Variants in BABAM2 observed in about 807,000 individuals in gnomAD.
BABAM2 encodes the protein BRISC and BRCA1-A complex member 2.
Under a neutral mutation model 54.7 loss-of-function variants are expected in BABAM2, and 31 were observed. The ratio of observed to expected loss-of-function variants is 0.57; its 90% CI spans 0.43 to 0.77. The LOEUF is 0.77. Ranked by LOEUF, BABAM2 falls within the 30% of genes least tolerant of loss-of-function variation. The probability of loss-of-function intolerance (pLI) is 0.00; values close to 1 mark genes in which losing one functional copy is unlikely to be tolerated. For missense variants in BABAM2, 364 were observed against 455.8 expected, an observed-to-expected ratio of 0.80 and a Z score of 1.83; for synonymous variants, 167 against 162.9, an observed-to-expected ratio of 1.03 and a Z score of -0.19.
intron 6 of BABAM2, among the ~76,000 whole-genome samples, chr2:28,078,710 A>G (rs145683943): frequency 6.6e-6 from 1 of 152,280 alleles, no homozygotes; most frequent in East Asian, 1.9e-4. Context: ...CAAGATTTCT[A>G]TAATAATTTG....
At chr2:28,224,918 T>C (rs1437166505) in intron 7 of BABAM2, among the ~76,000 whole-genome samples, 1 of 151,646 alleles carries the variant, frequency 6.6e-6, no homozygotes, top group African/African-American at 2.4e-5. Context: ...GTTGCATTCC[T>C]TTATTTGATG....
intron 4 of BABAM2, among the ~76,000 whole-genome samples, chr2:28,019,112 G>T (rs909636102): frequency 6.6e-6 from 1 of 151,892 alleles, no homozygotes; most frequent in East Asian, 1.9e-4. Context: ...TTGATTTTCT[G>T]TTCCTCTGTT....
intron 9 of BABAM2, among the ~76,000 whole-genome samples, chr2:28,241,864 CT>C (rs35913780): frequency 0.71 from 77,797 of 110,230 alleles, 26,995 homozygotes; most frequent in East Asian, 0.96. Flanking sequence ...CCCAGGATCC[CT>C]TTTTTTTTTT....
intron 10 of BABAM2, among the ~76,000 whole-genome samples, chr2:28,253,598 T>A (rs1264946081): frequency 6.6e-6 from 1 of 152,184 alleles, no homozygotes; most frequent in Non-Finnish European, 1.5e-5. Context: ...AGACTCTAGA[T>A]CCCATGTGCT....
chr2:27,957,083 G>C (rs1670144136), intron 3 of BABAM2, among the ~76,000 whole-genome samples: 1 of 152,172 alleles, frequency 6.6e-6, no homozygotes, highest in Non-Finnish European at 1.5e-5. Flanking sequence ...GGTCATCCCA[G>C]TGTAGAGCAA....
intron 6 of BABAM2, among the ~76,000 whole-genome samples, chr2:28,058,713 T>C (rs930083548): frequency 2.0e-5 from 3 of 152,132 alleles, no homozygotes; most frequent in Admixed American, 1.3e-4. Flanking sequence ...TGGTTCTTGA[T>C]GAAACAAACA....
intron 10 of BABAM2, among the ~76,000 whole-genome samples, chr2:28,282,997 CAAAAAA>C (rs370484850): frequency 1.4e-5 from 1 of 71,940 alleles, no homozygotes. Context: ...GACTCCGTCC[CAAAAAA>C]AAAAAAAAAA....
chr2:28,307,975 T>A (rs1688709847), intron 11 of BABAM2: 1 of 154,392 alleles, frequency 6.5e-6, no homozygotes, highest in East Asian at 1.9e-4. Context: ...TCATTCACAG[T>A]GGCCCCTCAC....
At chr2:27,981,070 AT>A (rs1671961098) in intron 3 of BABAM2, among the ~76,000 whole-genome samples, 1 of 152,240 alleles carries the variant, frequency 6.6e-6, no homozygotes, top group African/African-American at 2.4e-5. Context: ...TGTCTTTAAC[AT>A]TATCCAGTCG....
At chr2:28,257,127 T>G (rs1278585479) in intron 10 of BABAM2, among the ~76,000 whole-genome samples, 1 of 152,178 alleles carries the variant, frequency 6.6e-6, no homozygotes, top group African/African-American at 2.4e-5. Context: ...ACTTTTCCAT[T>G]TGCATATTGT....
Position 27,987,989 on chromosome 2 carries a change from T to A in BABAM2, c.206-4T>A. 1 of 1,605,568 alleles carries A rather than the reference T, an allele frequency of 6.2e-7. No individual in the cohort carries two copies. Among genetic ancestry groups the A allele is most frequent in the Non-Finnish European group, 8.5e-7 (1 of 1,172,326 alleles). ...AAAGGACCTGTCATTTTCTTTTATT[T>A]CAGGGGATATCATTTTCAATGCCCA... On this transcript the variant is annotated splice_polypyrimidine_tract_variant and splice_region_variant and intron_variant, in intron 3 of 11. Coordinates refer to ENST00000379624, the MANE Select transcript of BABAM2 (RefSeq NM_199191.3).
chr2:27,888,744 A>AT (rs1369738699), upstream of BABAM2, among the ~76,000 whole-genome samples: 2 of 151,792 alleles, frequency 1.3e-5, no homozygotes, highest in Non-Finnish European at 2.9e-5. Flanking sequence ...ATGTTCTTGT[A>AT]AGGCTTGGGA....
At chr2:28,110,572 C>T (rs982623115) in intron 6 of BABAM2, among the ~76,000 whole-genome samples, 1 of 151,612 alleles carries the variant, frequency 6.6e-6, no homozygotes, top group African/African-American at 2.4e-5. Context: ...TGCAGTGAGC[C>T]GAGATTGCGC....
At chr2:28,283,470 C>A (rs1482748198) in intron 10 of BABAM2, among the ~76,000 whole-genome samples, 2 of 152,332 alleles carry the variant, frequency 1.3e-5, no homozygotes, top group Non-Finnish European at 2.9e-5. Context: ...CTGTATTTCA[C>A]CCTCAGGCCT....
chr2:28,084,081 T>TACCC (rs2148678070), intron 6 of BABAM2, among the ~76,000 whole-genome samples: 1 of 152,318 alleles, frequency 6.6e-6, no homozygotes, highest in East Asian at 1.9e-4. Context: ...GTAGCGTGGC[T>TACCC]GTCTTTTCCT....
At chr2:28,158,265 T>C (rs1010339887) in intron 7 of BABAM2, among the ~76,000 whole-genome samples, 7 of 152,144 alleles carry the variant, frequency 4.6e-5, no homozygotes, top group Non-Finnish European at 7.4e-5. Context: ...AACAACAAAA[T>C]GTTTATATCA....
At chr2:28,176,589 A>AAAAAAAAAAAC in intron 7 of BABAM2, among the ~76,000 whole-genome samples, 1 of 145,398 alleles carries the variant, frequency 6.9e-6, no homozygotes, top group Admixed American at 6.9e-5. Context: ...AAAAAAAAAA[A>AAAAAAAAAAAC]AAAAAAACCT....
chr2:27,923,964 T>C (rs1667504063), intron 2 of BABAM2, among the ~76,000 whole-genome samples: 1 of 152,106 alleles, frequency 6.6e-6, no homozygotes, highest in South Asian at 2.1e-4. Flanking sequence ...AGCAAGACCG[T>C]GTTTCAAAAA....
chr2:28,030,223 T>C (rs1676192558), intron 5 of BABAM2, among the ~76,000 whole-genome samples: 1 of 152,228 alleles, frequency 6.6e-6, no homozygotes, highest in Non-Finnish European at 1.5e-5. Flanking sequence ...TGTAGAAGTT[T>C]AAATTCATTT....
Sources: allele counts gnomAD v4.1 joint callset (sites outside exome capture counted in the v4.1 genomes callset), GRCh38; gene constraint gnomAD v4.1.1; transcripts MANE v1.5; gene names NCBI Gene and HGNC (gene_info 2026-07-23, HGNC 2026-07-21).